Variants in ENOX1 observed in about 807,000 individuals in gnomAD.
ENOX1 encodes the protein ecto-NOX disulfide-thiol exchanger 1.
A neutral mutation model predicts 82.5 loss-of-function variants in ENOX1; 42 were observed. That is an observed-to-expected ratio of 0.51 (90% CI 0.40 to 0.66). ENOX1 has a LOEUF of 0.66. Ranked by LOEUF, ENOX1 falls within the 30% of genes least tolerant of loss-of-function variation. The pLI, the probability that ENOX1 is intolerant of heterozygous loss-of-function variation, is 0.00. For synonymous variants in ENOX1, 271 were observed against 282.2 expected, an observed-to-expected ratio of 0.96 and a Z score of 0.40; for missense variants, 608 against 811.6, an observed-to-expected ratio of 0.75 and a Z score of 3.05.
intron 5 of ENOX1, among the ~76,000 whole-genome samples, chr13:43,399,696 A>T (rs978562183): frequency 6.6e-6 from 1 of 152,214 alleles, no homozygotes; most frequent in Non-Finnish European, 1.5e-5. Context: ...GCCCAAGTTT[A>T]CGCAGCTAAG....
intron 2 of ENOX1, among the ~76,000 whole-genome samples, chr13:43,525,955 T>C (rs113180536): frequency 0.013 from 2,040 of 152,240 alleles, 45 homozygotes; most frequent in African/African-American, 0.047. Context: ...ATATTCTTCA[T>C]TTTTTAAGTT....
At chr13:43,472,011 A>C (rs2058090364) in intron 3 of ENOX1, among the ~76,000 whole-genome samples, 2 of 150,320 alleles carry the variant, frequency 1.3e-5, no homozygotes, top group Non-Finnish European at 3.0e-5. Context: ...AGACTTTCAC[A>C]AAAAAAAAGA....
chr13:43,265,309 T>G, intron 14 of ENOX1, 89 bp downstream of exon 14: 1 of 1,124,430 alleles, frequency 8.9e-7, no homozygotes, highest in Non-Finnish European at 1.3e-6. Context: ...AGCTTCTGAT[T>G]TCCTTTATGT....
chr13:43,727,340 T>C (rs2089047781), intron 1 of ENOX1, among the ~76,000 whole-genome samples: 1 of 152,214 alleles, frequency 6.6e-6, no homozygotes, highest in Non-Finnish European at 1.5e-5. Flanking sequence ...AGTTCTGCTT[T>C]GCAAGGATAC....
At chr13:43,699,630 A>G (rs544763256) in intron 1 of ENOX1, among the ~76,000 whole-genome samples, 14 of 152,238 alleles carry the variant, frequency 9.2e-5, no homozygotes, top group African/African-American at 3.4e-4. Context: ...AGAGATTTCA[A>G]TAATGAAGAA....
chr13:43,695,500 T>A (rs967035684), intron 1 of ENOX1, among the ~76,000 whole-genome samples: 8 of 146,562 alleles, frequency 5.5e-5, no homozygotes, highest in Non-Finnish European at 1.2e-4. Flanking sequence ...CAGGCTGAAG[T>A]GCAGTGGCGT....
At chr13:43,477,330 G>A (rs1274963184) in intron 3 of ENOX1, among the ~76,000 whole-genome samples, 5 of 151,924 alleles carry the variant, frequency 3.3e-5, no homozygotes, top group Admixed American at 2.0e-4. Flanking sequence ...ATATGGGGGT[G>A]AATACATACG....
intron 1 of ENOX1, among the ~76,000 whole-genome samples, chr13:43,747,496 T>A (rs1432505211): frequency 1.3e-5 from 2 of 152,218 alleles, no homozygotes; most frequent in Non-Finnish European, 2.9e-5. Flanking sequence ...TCTGGACCTG[T>A]TGCCTTCTCT....
chr13:43,413,779 A>AAC lies in ENOX1; in HGVS notation c.-74-793_-74-792dup, dbSNP rs536832595. 1.0e-4 allele frequency among the ~76,000 whole-genome samples: 15 copies of AAC among 148,470 alleles called. No homozygotes were observed. The South Asian group carries it at 1.5e-3, about 15-fold the overall frequency. On this transcript the variant is annotated intron_variant, in intron 3 of 16. Transcript: ENST00000690772. ...ACTTATCTAATAAATATAACAATTA[A>AAC]ACATTAAAGTTACAAAGTTCTTCTC...
intron 12 of ENOX1, among the ~76,000 whole-genome samples, chr13:43,274,317 A>G (rs1001312640): frequency 6.6e-6 from 1 of 152,230 alleles, no homozygotes; most frequent in Non-Finnish European, 1.5e-5. Context: ...AATCACTCCT[A>G]GACTGTTTTC....
chr13:43,218,265 A>G (rs1052949848), intron 16 of ENOX1, among the ~76,000 whole-genome samples: 6 of 152,216 alleles, frequency 3.9e-5, no homozygotes, highest in Non-Finnish European at 8.8e-5. Flanking sequence ...TGCAAATAAT[A>G]CAGAGTTGTG....
intron 2 of ENOX1, among the ~76,000 whole-genome samples, chr13:43,505,352 G>A (rs2077116927): frequency 1.3e-5 from 2 of 151,870 alleles, no homozygotes; most frequent in Non-Finnish European, 1.5e-5. Flanking sequence ...ATCAAAAGAA[G>A]GCAGAAATTT....
intron 1 of ENOX1, among the ~76,000 whole-genome samples, chr13:43,745,429 A>C (rs536066157): frequency 1.3e-5 from 2 of 152,174 alleles, no homozygotes; most frequent in Non-Finnish European, 2.9e-5. Flanking sequence ...AGAAATCAAA[A>C]CCACTTAAGG....
intron 1 of ENOX1, among the ~76,000 whole-genome samples, chr13:43,705,450 T>G (rs2153810703): frequency 6.6e-6 from 1 of 151,128 alleles, no homozygotes; most frequent in South Asian, 2.1e-4. Context: ...GCACTTTAAA[T>G]GTAAAGATAT....
At chr13:43,513,551 C>T (rs1024805630) in intron 2 of ENOX1, among the ~76,000 whole-genome samples, 1 of 152,066 alleles carries the variant, frequency 6.6e-6, no homozygotes, top group African/African-American at 2.4e-5. Context: ...ACTATTATTC[C>T]ATTATTCTTA....
chr13:43,356,782 C>T (rs886791198), intron 7 of ENOX1, among the ~76,000 whole-genome samples: 4 of 152,006 alleles, frequency 2.6e-5, no homozygotes, highest in Admixed American at 1.3e-4. Context: ...CTCTGGGGTG[C>T]GCAGGAGAAT....
chr13:43,690,215 C>A (rs1292259945), intron 1 of ENOX1, among the ~76,000 whole-genome samples: 1 of 149,660 alleles, frequency 6.7e-6, no homozygotes, highest in Non-Finnish European at 1.5e-5. Context: ...ATTTAGAACA[C>A]TCTTTTTAGC....
At chr13:43,580,062 C>A (rs1036178565) in intron 2 of ENOX1, among the ~76,000 whole-genome samples, 1 of 152,050 alleles carries the variant, frequency 6.6e-6, no homozygotes, top group African/African-American at 2.4e-5. Context: ...GAAGAGAGAC[C>A]TGAAAAATCT....
chr13:43,460,822 AAAAAAAAATAG>A, intron 3 of ENOX1, among the ~76,000 whole-genome samples: 1 of 22,564 alleles, frequency 4.4e-5, no homozygotes, highest in African/African-American at 1.5e-4. Context: ...AAAAAAAAAA[AAAAAAAAATAG>A]GGATAGCTCT....
Sources: gnomAD v4.1 joint callset for allele counts (sites outside exome capture counted in the v4.1 genomes callset) on GRCh38, gnomAD v4.1.1 for gene constraint, MANE v1.5 for transcripts, NCBI Gene and HGNC (gene_info 2026-07-23, HGNC 2026-07-21) for gene names.